The following STAG1 variants were observed in gnomAD, a reference collection of about 807,000 sequenced individuals.
STAG1 encodes the protein cohesin subunit SA-1.
Under a neutral mutation model 170.9 loss-of-function variants are expected in STAG1, and 26 were observed. That is an observed-to-expected ratio of 0.15 (90% CI 0.11 to 0.21). The LOEUF (loss-of-function observed/expected upper bound fraction) is 0.21. STAG1 is among the 10% of genes least tolerant of loss of function. The pLI, the probability that STAG1 is intolerant of heterozygous loss-of-function variation, is 1.00. For missense variants in STAG1, 964 were observed against 1,509.5 expected, an observed-to-expected ratio of 0.64 and a Z score of 5.99; for synonymous variants, 514 against 497.7, an observed-to-expected ratio of 1.03 and a Z score of -0.44.
intron 13 of STAG1, among the ~76,000 whole-genome samples, chr3:136,463,239 G>A (rs1433359317): frequency 6.6e-6 from 1 of 151,804 alleles, no homozygotes; most frequent in Non-Finnish European, 1.5e-5. Flanking sequence ...GTAAGTAGCT[G>A]GTTTCTTTCT....
intron 1 of STAG1, among the ~76,000 whole-genome samples, chr3:136,747,216 T>G (rs1316908288): frequency 6.9e-6 from 1 of 144,330 alleles, no homozygotes; most frequent in Non-Finnish European, 1.5e-5. Flanking sequence ...AAGGTTGCAG[T>G]AAGCGAAGAT....
intron 25 of STAG1, 128 bp from the exon 26 acceptor site, chr3:136,363,595 G>T: frequency 2.2e-6 from 1 of 455,118 alleles, no homozygotes; most frequent in South Asian, 5.2e-5. Context: ...GTAAAAGAAA[G>T]GAAAGGTAAA....
chr3:136,736,856 G>A, intron 1 of STAG1: 1 of 1,581,036 alleles, frequency 6.3e-7, no homozygotes, highest in Non-Finnish European at 8.7e-7. Flanking sequence ...TTCACAGTGT[G>A]GTCAACGTAT....
intron 3 of STAG1, among the ~76,000 whole-genome samples, chr3:136,613,020 G>C (rs531546186): frequency 6.6e-6 from 1 of 152,060 alleles, no homozygotes; most frequent in African/African-American, 2.4e-5. Flanking sequence ...GAGAGTTTCT[G>C]GGCCGGGCGC....
chr3:136,444,906 C>T (rs577226924), intron 14 of STAG1, among the ~76,000 whole-genome samples: 1 of 151,968 alleles, frequency 6.6e-6, no homozygotes, highest in East Asian at 1.9e-4. Context: ...TGTTGCGCAG[C>T]CTGGAGTGCA....
intron 13 of STAG1, among the ~76,000 whole-genome samples, chr3:136,457,005 A>G (rs1478228752): frequency 6.6e-6 from 1 of 152,220 alleles, no homozygotes; most frequent in Non-Finnish European, 1.5e-5. Flanking sequence ...AAAAATGCCA[A>G]AAGGAGTTCT....
chr3:136,536,703 CAAAA>C (rs11321017), intron 6 of STAG1, among the ~76,000 whole-genome samples: 1 of 70,960 alleles, frequency 1.4e-5, no homozygotes, highest in South Asian at 5.4e-4. Context: ...ACTCAGTCTC[CAAAA>C]AAAAAAAAAA....
intron 1 of STAG1, among the ~76,000 whole-genome samples, chr3:136,703,661 TCTTC>T (rs1275428864): frequency 3.9e-5 from 6 of 152,178 alleles, no homozygotes; most frequent in Non-Finnish European, 5.9e-5. Flanking sequence ...TGGCAAGAGT[TCTTC>T]CTTATCAGCA....
chr3:136,580,526 T>TC (rs1937569178), intron 4 of STAG1, among the ~76,000 whole-genome samples: 1 of 139,904 alleles, frequency 7.1e-6, no homozygotes, highest in East Asian at 2.0e-4. Context: ...TAATTCTTTT[T>TC]TTTTTTTTTT....
intron 27 of STAG1, among the ~76,000 whole-genome samples, chr3:136,358,705 GC>G (rs1297039414): frequency 1.3e-5 from 2 of 152,026 alleles, no homozygotes; most frequent in African/African-American, 4.8e-5. Flanking sequence ...TTCCCAAGTA[GC>G]TAGGACTGCA....
intron 12 of STAG1, among the ~76,000 whole-genome samples, chr3:136,466,147 G>A (rs566760137): frequency 6.6e-6 from 1 of 152,202 alleles, no homozygotes; most frequent in African/African-American, 2.4e-5. Context: ...AACAAAGCTG[G>A]ACGGAGAATG....
intron 4 of STAG1, among the ~76,000 whole-genome samples, chr3:136,598,684 C>T (rs1434311444): frequency 6.6e-6 from 1 of 152,092 alleles, no homozygotes; most frequent in Non-Finnish European, 1.5e-5. Context: ...CCTCGGCCTC[C>T]CCAAAGTACT....
At chr3:136,675,579 C>T in intron 1 of STAG1, among the ~76,000 whole-genome samples, 1 of 152,098 alleles carries the variant, frequency 6.6e-6, no homozygotes, top group Non-Finnish European at 1.5e-5. Flanking sequence ...TAAAATTCAC[C>T]CTTTCAAACT....
At chr3:136,476,916 A>AC (rs1257530798) in intron 10 of STAG1, among the ~76,000 whole-genome samples, 1 of 152,190 alleles carries the variant, frequency 6.6e-6, no homozygotes, top group Non-Finnish European at 1.5e-5. Flanking sequence ...AAAGCACTCT[A>AC]CTATGATATG....
chr3:136,675,872 T>C (rs181688559), intron 1 of STAG1, among the ~76,000 whole-genome samples: 3 of 152,260 alleles, frequency 2.0e-5, no homozygotes, highest in Admixed American at 6.5e-5. Context: ...CACTCCACAA[T>C]GTGCAATGAA....
rs182793608 is a variant in STAG1 at position 136,728,052 on chromosome 3, G to A, written c.-84+24143C>T. On this transcript the variant is annotated intron_variant, in intron 1 of 33. Transcript: ENST00000383202. Reference sequence around the variant, plus strand: ...TGGGCAGCTGTAATCCCAGTTACTCGGGAGGCTGAGACAGGGGAGCTGCTT... The same window carrying A: ...TGGGCAGCTGTAATCCCAGTTACTCAGGAGGCTGAGACAGGGGAGCTGCTT... 4.7e-3 allele frequency among the ~76,000 whole-genome samples: 711 copies of A among 152,088 alleles called. 3 individuals carry two copies. The highest frequency in any genetic ancestry group is 0.015 in the African/African-American group (636 of 41,466).
chr3:136,419,521 T>C (rs1322700504), intron 20 of STAG1, among the ~76,000 whole-genome samples: 1 of 152,028 alleles, frequency 6.6e-6, no homozygotes, highest in African/African-American at 2.4e-5. Context: ...CTTGGCTCTC[T>C]ACAATCTCTG....
chr3:136,409,134 G>A (rs948017019), intron 21 of STAG1, among the ~76,000 whole-genome samples: 2 of 152,026 alleles, frequency 1.3e-5, no homozygotes, highest in Middle Eastern at 3.4e-3. Context: ...CCGTGGTGGC[G>A]GGCACTGTAG....
chr3:136,464,058 G>A (rs922795184), intron 13 of STAG1, among the ~76,000 whole-genome samples: 3 of 151,212 alleles, frequency 2.0e-5, no homozygotes, highest in South Asian at 4.2e-4. Context: ...AAAAAATAAG[G>A]TTTAAAAAAA....
Sources: gnomAD v4.1 joint callset for allele counts (sites outside exome capture counted in the v4.1 genomes callset) on GRCh38, gnomAD v4.1.1 for gene constraint, MANE v1.5 for transcripts, NCBI Gene and HGNC (gene_info 2026-07-23, HGNC 2026-07-21) for gene names.